ACOXL: variants seen among roughly 807,000 people sequenced by gnomAD.
The protein encoded by ACOXL is acyl-coenzyme A oxidase-like protein.
A neutral mutation model predicts 71.9 loss-of-function variants in ACOXL; 70 were observed. The ratio of observed to expected loss-of-function variants is 0.97; its 90% CI spans 0.80 to 1.19. ACOXL has a LOEUF of 1.19. Among genes scored for constraint, ACOXL ranks in the 50% most tolerant of loss-of-function variants. The pLI, the probability that ACOXL is intolerant of heterozygous loss-of-function variation, is 0.00. For missense variants in ACOXL, 703 were observed against 736.3 expected (o/e 0.95, Z 0.52); for synonymous variants, 253 against 281.6 (o/e 0.90, Z 1.02).
At chr2:110,881,703 C>G (rs1023002919) in intron 10 of ACOXL, among the ~76,000 whole-genome samples, 1 of 152,124 alleles carries the variant, frequency 6.6e-6, no homozygotes, top group Admixed American at 6.5e-5. Flanking sequence ...CTTGCATTTT[C>G]TAGAGTTTTA....
chr2:110,831,330 A>G (rs1444859764), intron 9 of ACOXL, among the ~76,000 whole-genome samples: 1 of 152,260 alleles, frequency 6.6e-6, no homozygotes, highest in Admixed American at 6.5e-5. Flanking sequence ...TTGCATTTCC[A>G]AATATTAGCA....
At chr2:111,086,564 A>T (rs1439698118) in intron 16 of ACOXL, among the ~76,000 whole-genome samples, 1 of 152,148 alleles carries the variant, frequency 6.6e-6, no homozygotes, top group African/African-American at 2.4e-5. Flanking sequence ...TGATGTATAG[A>T]GGGTTGGCTG....
intron 12 of ACOXL, among the ~76,000 whole-genome samples, chr2:110,975,415 A>AGTGTGTGT (rs3059265): frequency 5.3e-5 from 8 of 150,300 alleles, no homozygotes; most frequent in Middle Eastern, 3.4e-3. Context: ...TGTTTGTGTG[A>AGTGTGTGT]GTGTGTGTGT....
At chr2:110,858,501 C>T (rs1693543135) in intron 10 of ACOXL, among the ~76,000 whole-genome samples, 2 of 152,202 alleles carry the variant, frequency 1.3e-5, no homozygotes, top group African/African-American at 2.4e-5. Context: ...AGATAAAGCT[C>T]GGTGATGTCA....
intron 14 of ACOXL, among the ~76,000 whole-genome samples, chr2:111,000,679 C>T (rs2149614035): frequency 6.6e-6 from 1 of 152,336 alleles, no homozygotes; most frequent in Admixed American, 6.5e-5. Flanking sequence ...TATTCCTTGG[C>T]TTGCAGCCGC....
intron 1 of ACOXL, among the ~76,000 whole-genome samples, chr2:110,745,377 C>T (rs1006701614): frequency 2.0e-5 from 3 of 152,216 alleles, no homozygotes; most frequent in Admixed American, 2.0e-4. Context: ...GGGCCAGGAG[C>T]AAGGATTGGC....
At chr2:111,001,660 G>A (rs1415853468) in intron 14 of ACOXL, among the ~76,000 whole-genome samples, 1 of 152,158 alleles carries the variant, frequency 6.6e-6, no homozygotes, top group African/African-American at 2.4e-5. Flanking sequence ...GTATATAACA[G>A]TTATCCTGTC....
chr2:110,775,162 T>C (rs1314218332), intron 2 of ACOXL, among the ~76,000 whole-genome samples: 1 of 152,108 alleles, frequency 6.6e-6, no homozygotes, highest in African/African-American at 2.4e-5. Flanking sequence ...TATCCAAAAT[T>C]TAACTCAAAA....
intron 9 of ACOXL, among the ~76,000 whole-genome samples, chr2:110,811,824 G>A (rs1421600030): frequency 6.7e-6 from 1 of 150,242 alleles, no homozygotes; most frequent in African/African-American, 2.5e-5. Flanking sequence ...TGGTTGCTGG[G>A]GAAGTCCAGT....
intron 12 of ACOXL, among the ~76,000 whole-genome samples, chr2:110,984,005 G>A (rs1030025979): frequency 2.6e-5 from 4 of 151,978 alleles, no homozygotes; most frequent in Non-Finnish European, 5.9e-5. Context: ...CACCATGCCC[G>A]GCTAATTTTT....
At chr2:110,902,362 C>G (rs13005639) in intron 10 of ACOXL, among the ~76,000 whole-genome samples, 9 of 152,104 alleles carry the variant, frequency 5.9e-5, no homozygotes, top group Admixed American at 2.0e-4. Context: ...CCCAACTGCT[C>G]GAGAGGCTGA....
chr2:110,874,588 A>G (rs1201103638), intron 10 of ACOXL, among the ~76,000 whole-genome samples: 1 of 152,170 alleles, frequency 6.6e-6, no homozygotes, highest in Non-Finnish European at 1.5e-5. Flanking sequence ...ATTTCTGCAC[A>G]TGACTCTGGA....
At chr2:110,961,345 A>T (rs2061693553) in intron 12 of ACOXL, among the ~76,000 whole-genome samples, 1 of 152,160 alleles carries the variant, frequency 6.6e-6, no homozygotes. Flanking sequence ...GATACAAAAC[A>T]TTTTTGTGCT....
chr2:111,059,490 C>A (rs1436659862), intron 16 of ACOXL, among the ~76,000 whole-genome samples: 1 of 152,176 alleles, frequency 6.6e-6, no homozygotes, highest in Non-Finnish European at 1.5e-5. Context: ...CCCAACCATA[C>A]AATATATATT....
chr2:110,755,314 C>T (rs1443988675), intron 1 of ACOXL, among the ~76,000 whole-genome samples: 1 of 152,094 alleles, frequency 6.6e-6, no homozygotes, highest in Non-Finnish European at 1.5e-5. Flanking sequence ...TGCCTAATCT[C>T]CATATCTTAG....
At chr2:111,026,097 C>T (rs1374325419) in intron 14 of ACOXL, among the ~76,000 whole-genome samples, 1 of 152,140 alleles carries the variant, frequency 6.6e-6, no homozygotes, top group African/African-American at 2.4e-5. Flanking sequence ...TTTCTGAACT[C>T]TCTACTGTGT....
intron 10 of ACOXL, among the ~76,000 whole-genome samples, chr2:110,861,982 A>C (rs1694010460): frequency 6.6e-6 from 1 of 152,182 alleles, no homozygotes; most frequent in Non-Finnish European, 1.5e-5. Context: ...AGGCACCTCC[A>C]CGGGCTTTGT....
chr2:110,987,619 A>G (rs2062989392), intron 13 of ACOXL, among the ~76,000 whole-genome samples: 1 of 152,226 alleles, frequency 6.6e-6, no homozygotes, highest in Non-Finnish European at 1.5e-5. Context: ...TTCAACATCC[A>G]TGCTTTTGGT....
chr2:111,067,719 C>G (rs2067140520), intron 16 of ACOXL, among the ~76,000 whole-genome samples: 1 of 152,140 alleles, frequency 6.6e-6, no homozygotes, highest in Non-Finnish European at 1.5e-5. Context: ...AATGGAAAAT[C>G]TAAAAGTTTC....
Sources: gnomAD v4.1 joint callset for allele counts (sites outside exome capture counted in the v4.1 genomes callset) on GRCh38, gnomAD v4.1.1 for gene constraint, MANE v1.5 for transcripts, NCBI Gene and HGNC (gene_info 2026-07-23, HGNC 2026-07-21) for gene names.